Variants in FOXJ3 observed in about 807,000 individuals in gnomAD.
FOXJ3 encodes the protein forkhead box protein J3.
In FOXJ3, 22 loss-of-function variants were observed where a neutral mutation model predicts 76.1. The observed-to-expected ratio is 0.29, with a 90% CI of 0.21 to 0.41. FOXJ3 has a LOEUF of 0.41. Among genes scored for constraint, FOXJ3 ranks in the 10% least tolerant of loss-of-function variants. FOXJ3 has a pLI of 1.00. For synonymous variants in FOXJ3, 269 were observed against 261.2 expected (o/e 1.03, Z -0.29); for missense variants, 613 against 762.1 (o/e 0.80, Z 2.30).
intron 3 of FOXJ3, among the ~76,000 whole-genome samples, chr1:42,268,960 C>T (rs939277319): frequency 8.5e-5 from 13 of 152,108 alleles, no homozygotes; most frequent in African/African-American, 2.7e-4. Context: ...ATGGGATCAT[C>T]TATGAGCCAG....
At chr1:42,258,032 T>C (rs577665795) in intron 4 of FOXJ3, among the ~76,000 whole-genome samples, 1 of 152,328 alleles carries the variant, frequency 6.6e-6, no homozygotes, top group African/African-American at 2.4e-5. Flanking sequence ...GCAGTCCCTG[T>C]CATAAATAGC....
intron 7 of FOXJ3, among the ~76,000 whole-genome samples, chr1:42,195,914 T>C (rs563890719): frequency 2.2e-4 from 34 of 152,370 alleles, no homozygotes; most frequent in Admixed American, 9.8e-4. Context: ...CCTGTGATTA[T>C]CCTGGAACAA....
intron 4 of FOXJ3, among the ~76,000 whole-genome samples, chr1:42,248,730 C>CTTTTTTTTTTTTTTTTTTTTTTTTTTT (rs4019587): frequency 1.1e-5 from 1 of 92,192 alleles, no homozygotes; most frequent in Non-Finnish European, 2.1e-5. Context: ...CCTGTTTTTT[C>CTTTTTTTTTTTTTTTTTTTTTTTTTTT]TTTTTTTTTT....
intron 3 of FOXJ3, among the ~76,000 whole-genome samples, chr1:42,269,699 A>AT (rs1651731972): frequency 1.3e-5 from 2 of 152,300 alleles, no homozygotes; most frequent in South Asian, 4.1e-4. Context: ...GTTTAAAGAC[A>AT]TTATTATTCA....
chr1:42,200,361 A>G (rs1646739336), intron 6 of FOXJ3, among the ~76,000 whole-genome samples: 1 of 152,074 alleles, frequency 6.6e-6, no homozygotes, highest in South Asian at 2.1e-4. Flanking sequence ...TCTACTCTTT[A>G]TATTTCCTTC....
At chr1:42,283,614 C>T (rs867051003) in intron 2 of FOXJ3, among the ~76,000 whole-genome samples, 1 of 152,230 alleles carries the variant, frequency 6.6e-6, no homozygotes, top group Non-Finnish European at 1.5e-5. Flanking sequence ...AATCCTCCCA[C>T]TTCATTCCCG....
At chr1:42,286,550 G>A (rs1653064871) in intron 2 of FOXJ3, among the ~76,000 whole-genome samples, 1 of 152,168 alleles carries the variant, frequency 6.6e-6, no homozygotes, top group Non-Finnish European at 1.5e-5. Context: ...ATAAAGCACT[G>A]AGAACACCTT....
chr1:42,188,682 A>C lies in FOXJ3; in HGVS notation c.1645+55T>G, dbSNP rs1477218988. 9.1e-5 allele frequency: 113 copies of C among 1,245,150 alleles called. 1 individual carries two copies. Among genetic ancestry groups the C allele is most frequent in the Non-Finnish European group, 4.0e-5 (37 of 917,134 alleles). 77.1% of individuals were successfully genotyped at this position (1,245,150 alleles called of 1,614,324 possible). A position where few individuals can be genotyped will look rare whatever the true frequency, so the allele number is the denominator to read the frequency against. Reference sequence around the variant, plus strand: ...AACCAAGTTGGTTAAGACAGTTACTAAATTTCGTACGAATGAGAAAATGAG... The same window carrying C: ...AACCAAGTTGGTTAAGACAGTTACTCAATTTCGTACGAATGAGAAAATGAG... On this transcript the variant is annotated intron_variant, in intron 11 of 12. Transcript: ENST00000361346.
intron 2 of FOXJ3, among the ~76,000 whole-genome samples, chr1:42,309,198 T>C (rs1215990051): frequency 6.6e-6 from 1 of 152,094 alleles, no homozygotes; most frequent in Non-Finnish European, 1.5e-5. Context: ...CAATTTTGTA[T>C]CTGTCCTCTC....
chr1:42,323,749 G>A (rs890616412), intron 1 of FOXJ3: 18 of 891,322 alleles, frequency 2.0e-5, no homozygotes, highest in Non-Finnish European at 2.4e-5. Context: ...GATATATGCT[G>A]AATAATCACC....
In FOXJ3 at chr1:42,199,185, T is replaced by C. The variant is rs1252240386; in HGVS notation, c.676A>G (p.Ser226Gly). The change falls in exon 7 of 13, where the codon AGT becomes GGT. Residue 226 changes from serine to glycine, a missense_variant. Physicochemically the swap from Ser to Gly is moderately conservative, Grantham distance 56. Coordinates refer to ENST00000361346, the MANE Select transcript of FOXJ3 (RefSeq NM_014947.5). ...TCTGAGAGACTGTTGTTAAGGCTAC[T>C]GCGTGGGCTATCACTACCATCCTGA... The part of the protein sequence containing the change: ...TDQDGSDSPR[S>G]SLNNSLSDQS... The C allele has an allele frequency of 2.5e-6, 4 of 1,613,048 alleles. No individual in the cohort carries two copies. In the Admixed American group the frequency reaches 5.0e-5, roughly 20 times the overall value.
intron 9 of FOXJ3, among the ~76,000 whole-genome samples, chr1:42,190,396 T>G (rs1167610086): frequency 6.6e-6 from 1 of 152,110 alleles, no homozygotes; most frequent in African/African-American, 2.4e-5. Context: ...AAATAAACAA[T>G]CAACTAGAGA....
intron 1 of FOXJ3, among the ~76,000 whole-genome samples, chr1:42,324,104 G>GTGTATATATATTGTATATATACACTA (rs776964079): frequency 2.2e-5 from 2 of 88,946 alleles, no homozygotes; most frequent in Non-Finnish European, 2.0e-5. Context: ...TATATACTGT[G>GTGTATATATATTGTATATATACACTA]TATATACACT....
intron 1 of FOXJ3, among the ~76,000 whole-genome samples, chr1:42,328,860 T>C (rs1190229150): frequency 6.6e-6 from 1 of 152,046 alleles, no homozygotes; most frequent in African/African-American, 2.4e-5. Context: ...AGAGACGAGA[T>C]TTCACTATGT....
intron 5 of FOXJ3, among the ~76,000 whole-genome samples, chr1:42,218,312 C>T (rs1326441337): frequency 6.6e-6 from 1 of 152,050 alleles, no homozygotes; most frequent in Admixed American, 6.5e-5. Flanking sequence ...GGAGAGTATC[C>T]CACCTAGAAA....
At chr1:42,213,485 AG>A (rs1275767950) in intron 5 of FOXJ3, among the ~76,000 whole-genome samples, 1 of 151,772 alleles carries the variant, frequency 6.6e-6, no homozygotes, top group Non-Finnish European at 1.5e-5. Context: ...AAAAAAAAAA[AG>A]ACACGATTAT....
chr1:42,325,476 A>T (rs943843973), intron 1 of FOXJ3, among the ~76,000 whole-genome samples: 66 of 152,350 alleles, frequency 4.3e-4, no homozygotes, highest in African/African-American at 1.4e-3. Flanking sequence ...CTTTGCTGGC[A>T]GGGACCCTGC....
intron 1 of FOXJ3, among the ~76,000 whole-genome samples, chr1:42,313,431 C>T (rs985774822): frequency 6.6e-6 from 1 of 151,772 alleles, no homozygotes; most frequent in East Asian, 1.9e-4. Context: ...AGCAAATGTA[C>T]GTTCTCTCTG....
rs373400153 is a variant in FOXJ3 at position 42,291,095 on chromosome 1, C to CAGACAGACAGAT, written c.45-12424_45-12423insATCTGTCTGTCT. ...ATAGATAGATAGATAGACAGACAGA[C>CAGACAGACAGAT]AGACAGATAGATCCACAGTCACTTA... On this transcript the variant is annotated intron_variant, in intron 2 of 12. Coordinates refer to ENST00000361346, the MANE Select transcript of FOXJ3 (RefSeq NM_014947.5). Among the ~76,000 whole-genome samples, 1,022 of 145,166 alleles carry CAGACAGACAGAT rather than the reference C, an allele frequency of 7.0e-3. 11 individuals carry two copies. Among genetic ancestry groups the CAGACAGACAGAT allele is most frequent in the African/African-American group, 0.018 (690 of 38,744 alleles).
Sources: gnomAD v4.1 joint callset for allele counts (sites outside exome capture counted in the v4.1 genomes callset) on GRCh38, gnomAD v4.1.1 for gene constraint, MANE v1.5 for transcripts, NCBI Gene and HGNC (gene_info 2026-07-23, HGNC 2026-07-21) for gene names.